PBRM1: variants seen among roughly 807,000 people sequenced by gnomAD.
PBRM1 encodes polybromo 1.
Under a neutral mutation model 194.5 loss-of-function variants are expected in PBRM1, and 27 were observed. The observed-to-expected ratio is 0.14, with a 90% CI of 0.10 to 0.19. The LOEUF (loss-of-function observed/expected upper bound fraction) is 0.19, where lower values mean the gene tolerates loss of function less well. PBRM1 is among the 10% of genes least tolerant of loss of function. The pLI, the probability that PBRM1 is intolerant of heterozygous loss-of-function variation, is 1.00. For missense variants in PBRM1, 1,466 were observed against 2,077.2 expected (o/e 0.71, Z 5.72); for synonymous variants, 655 against 693.2 (o/e 0.94, Z 0.87).
intron 3 of PBRM1, among the ~76,000 whole-genome samples, chr3:52,667,043 G>C (rs141517731): frequency 2.6e-5 from 4 of 152,140 alleles, no homozygotes; most frequent in African/African-American, 9.7e-5. Context: ...GCGAACAAAC[G>C]CAGAGAGAAT....
intron 10 of PBRM1, among the ~76,000 whole-genome samples, chr3:52,639,233 C>G (rs1171498598): frequency 6.6e-6 from 1 of 152,134 alleles, no homozygotes; most frequent in East Asian, 1.9e-4. Flanking sequence ...ACCTCAGGCT[C>G]CAAAAGTGCC....
rs749744663 is a variant in PBRM1 at position 52,582,863 on chromosome 3, C to T, written c.3387+3562G>A. On this transcript the variant is annotated intron_variant, in intron 20 of 29. Coordinates refer to ENST00000296302, the Ensembl canonical transcript of PBRM1. ...CTGTAATCCCAGTACTTTGGGAGGC[C>T]GAGGCGGGCGGATCATGAGGTCAGG... 3.9e-4 allele frequency among the ~76,000 whole-genome samples: 59 copies of T among 151,674 alleles called. 1 individual carries two copies. The highest frequency in any genetic ancestry group is 4.6e-4 in the Non-Finnish European group (31 of 67,940).
At chr3:52,546,396 A>G (rs973867503), downstream of PBRM1, 4 of 229,152 alleles carry the variant, frequency 1.7e-5, no homozygotes, top group Non-Finnish European at 2.6e-5. Flanking sequence ...TTTAAATTCA[A>G]TATTATTTAA....
intron 9 of PBRM1, among the ~76,000 whole-genome samples, chr3:52,642,861 A>C (rs2096154938): frequency 6.7e-6 from 1 of 148,566 alleles, no homozygotes. Flanking sequence ...ATGTCGGCTC[A>C]CTGCAAACTC....
At chr3:52,659,095 A>T (rs921568630) in intron 4 of PBRM1, among the ~76,000 whole-genome samples, 8 of 152,322 alleles carry the variant, frequency 5.3e-5, no homozygotes, top group African/African-American at 1.9e-4. Flanking sequence ...CTGAATTCAA[A>T]TTAAGTCAAA....
chr3:52,649,248 C>T (rs755801494), intron 6 of PBRM1, among the ~76,000 whole-genome samples: 42 of 152,182 alleles, frequency 2.8e-4, no homozygotes, highest in African/African-American at 8.2e-4. Context: ...GCACAGGCAT[C>T]GGGAGGGCTC....
At chr3:52,660,194 A>C (rs916896660) in intron 4 of PBRM1, among the ~76,000 whole-genome samples, 1 of 152,172 alleles carries the variant, frequency 6.6e-6, no homozygotes, top group Non-Finnish European at 1.5e-5. Context: ...GGCAAGTCCT[A>C]AATACAGGCA....
intron 22 of PBRM1, 124 bp downstream of exon 24, chr3:52,576,417 A>G (rs1292377047): frequency 5.2e-6 from 3 of 576,178 alleles, no homozygotes; most frequent in African/African-American, 3.9e-5. Context: ...CCAACATAAG[A>G]GAACAGAGAT....
intron 14 of PBRM1, among the ~76,000 whole-genome samples, chr3:52,615,863 T>G (rs1210675329): frequency 6.6e-6 from 1 of 152,236 alleles, no homozygotes; most frequent in Non-Finnish European, 1.5e-5. Flanking sequence ...GAGCAATATC[T>G]CAATATCTTA....
At chr3:52,625,750 T>C (rs976657506) in intron 13 of PBRM1, among the ~76,000 whole-genome samples, 8 of 152,064 alleles carry the variant, frequency 5.3e-5, no homozygotes, top group African/African-American at 1.9e-4. Flanking sequence ...AATTTTTTTG[T>C]ATTTTTAGTA....
At chr3:52,681,793 T>C, upstream of PBRM1, 4 of 830,686 alleles carry the variant, frequency 4.8e-6, no homozygotes, top group Non-Finnish European at 5.9e-6. Context: ...GCTTTAGAAG[T>C]GCTGATTCAG....
At chr3:52,586,673 A>G (rs771543116) in exon 20 of PBRM1, 10 of 1,609,282 alleles carry the variant, frequency 6.2e-6, no homozygotes, top group Middle Eastern at 1.6e-4. Context: ...TTTTCTGGGC[A>G]TAACTTAAAG....
At chr3:52,567,808 T>G (rs1306881507) in intron 22 of PBRM1, among the ~76,000 whole-genome samples, 46 of 123,912 alleles carry the variant, frequency 3.7e-4, no homozygotes, top group Non-Finnish European at 5.2e-4. Context: ...ATTTTTGTGT[T>G]TTTTTTTTTT....
Position 52,685,742 on chromosome 3 carries a change from G to C in PBRM1, c.-13+7C>G, listed in dbSNP as rs1293404840. On this transcript the variant is annotated splice_region_variant and intron_variant, in intron 1 of 29. Coordinates refer to the PBRM1 transcript ENST00000394830. ...AGCGGCCCCACCCGCCCTGGGCCCG[G>C]CCTTACCCAGCCGCTCCGCCGCCTG... The C allele has an allele frequency of 5.3e-6, 1 of 189,606 alleles. No homozygotes were observed. Among genetic ancestry groups the C allele is most frequent in the Non-Finnish European group, 1.1e-5 (1 of 94,436 alleles). 11.7% of individuals were successfully genotyped at this position (189,606 alleles called of 1,614,324 possible).
intron 26 of PBRM1, among the ~76,000 whole-genome samples, chr3:52,557,265 C>T (rs890113924): frequency 3.9e-5 from 6 of 152,204 alleles, no homozygotes; most frequent in African/African-American, 1.4e-4. Context: ...CATTTGAGAA[C>T]TTGCCATCAC....
chr3:52,548,931 T>C (rs1404096729), intron 29 of PBRM1, among the ~76,000 whole-genome samples: 1 of 152,184 alleles, frequency 6.6e-6, no homozygotes, highest in Non-Finnish European at 1.5e-5. Flanking sequence ...AGTACTTTAG[T>C]ACATACTGAA....
intron 3 of PBRM1, among the ~76,000 whole-genome samples, chr3:52,666,633 T>C (rs1181675858): frequency 6.6e-6 from 1 of 152,136 alleles, no homozygotes; most frequent in African/African-American, 2.4e-5. Flanking sequence ...GGTTCATGCC[T>C]GTAATCCCAG....
At chr3:52,546,704 A>C (rs145484613), downstream of PBRM1, 187 of 232,898 alleles carry the variant, frequency 8.0e-4, 2 homozygotes, top group East Asian at 0.01. Context: ...CAAGTGAAAC[A>C]ATGTTCCTAC....
chr3:52,654,731 G>A (rs542227552), intron 5 of PBRM1, among the ~76,000 whole-genome samples: 38 of 152,238 alleles, frequency 2.5e-4, no homozygotes, highest in Non-Finnish European at 1.9e-4. Flanking sequence ...AATCTTGAGC[G>A]AAGACAGTAC....
Sources: allele counts gnomAD v4.1 joint callset (sites outside exome capture counted in the v4.1 genomes callset), GRCh38; gene constraint gnomAD v4.1.1; transcripts MANE v1.5; gene names NCBI Gene and HGNC (gene_info 2026-07-23, HGNC 2026-07-21).